Variants in PRKCE observed in about 807,000 individuals in gnomAD.
The protein encoded by PRKCE is protein kinase C epsilon, also known as protein kinase C epsilon type.
In PRKCE, 16 loss-of-function variants were observed where a neutral mutation model predicts 85.4. The observed-to-expected ratio is 0.19, with a 90% CI of 0.13 to 0.28. The LOEUF is 0.28. Ranked by LOEUF, PRKCE falls within the 10% of genes least tolerant of loss-of-function variation. PRKCE has a pLI of 1.00. For missense variants in PRKCE, 573 were observed against 975.2 expected (o/e 0.59, Z 5.49); for synonymous variants, 388 against 371.5 (o/e 1.04, Z -0.51).
At chr2:45,864,749 C>T (rs62127218) in intron 2 of PRKCE, among the ~76,000 whole-genome samples, 2,581 of 152,218 alleles carry the variant, frequency 0.017, 52 homozygotes, top group South Asian at 0.05. Context: ...CGTGGGAGCC[C>T]GAGGATGACT....
intron 1 of PRKCE, among the ~76,000 whole-genome samples, chr2:45,839,860 T>C (rs1691204988): frequency 6.6e-6 from 1 of 152,254 alleles, no homozygotes; most frequent in South Asian, 2.1e-4. Context: ...GCAAAGCTCT[T>C]TGTTGCTTTT....
At chr2:45,913,865 C>G (rs1367286699) in intron 2 of PRKCE, among the ~76,000 whole-genome samples, 1 of 152,236 alleles carries the variant, frequency 6.6e-6, no homozygotes, top group East Asian at 1.9e-4. Context: ...CACGATGATT[C>G]TAGGACTTCC....
chr2:45,731,145 T>C (rs1341252212), intron 1 of PRKCE, among the ~76,000 whole-genome samples: 1 of 152,214 alleles, frequency 6.6e-6, no homozygotes, highest in Non-Finnish European at 1.5e-5. Context: ...TGTTGATTTC[T>C]GTTATTAGTT....
chr2:45,951,594 C>T (rs1700625533), intron 2 of PRKCE, among the ~76,000 whole-genome samples: 1 of 152,222 alleles, frequency 6.6e-6, no homozygotes, highest in South Asian at 2.1e-4. Context: ...TGCCGCTCTC[C>T]CTAGGACCAA....
intron 10 of PRKCE, among the ~76,000 whole-genome samples, chr2:46,025,919 G>T (rs1289859880): frequency 6.6e-6 from 1 of 152,208 alleles, no homozygotes; most frequent in Non-Finnish European, 1.5e-5. Context: ...ATGGGAACCA[G>T]AGTGAGCCTG....
At chr2:46,046,746 T>A (rs1420253348) in intron 10 of PRKCE, among the ~76,000 whole-genome samples, 1 of 152,158 alleles carries the variant, frequency 6.6e-6, no homozygotes, top group East Asian at 1.9e-4. Flanking sequence ...GGTCTACACA[T>A]GGGCAAGACC....
Position 46,086,233 on chromosome 2 carries a change from A to T in PRKCE, c.1463A>T (p.Tyr488Phe). ...TKDRLFFVME[Y>F]VNGGDLMFQI... ...GACCGCCTCTTTTTCGTCATGGAAT[A>T]TGTAAATGGTGGAGACCTCATGTTT... The change falls in exon 11 of 15, where the codon TAT (tyrosine) becomes TTT (phenylalanine). Residue 488 changes from tyrosine (Y) to phenylalanine (F), a missense_variant. Transcript: ENST00000306156. 6.3e-7 allele frequency: 1 copy of T among 1,599,692 alleles called. No individual in the cohort carries two copies. The highest frequency in any genetic ancestry group is 1.1e-5 in the South Asian group (1 of 91,088).
At chr2:45,913,743 A>G (rs947223129) in intron 2 of PRKCE, among the ~76,000 whole-genome samples, 2 of 152,188 alleles carry the variant, frequency 1.3e-5, no homozygotes, top group Non-Finnish European at 2.9e-5. Context: ...GGCTGCTGGG[A>G]ATATAACCTG....
chr2:46,012,294 C>T (rs1468086459), intron 10 of PRKCE, among the ~76,000 whole-genome samples: 3 of 151,646 alleles, frequency 2.0e-5, no homozygotes, highest in African/African-American at 7.3e-5. Flanking sequence ...CTTTTCCTTT[C>T]TTTTCTTTTC....
At chr2:45,918,879 G>A (rs985950930) in intron 2 of PRKCE, among the ~76,000 whole-genome samples, 10 of 152,212 alleles carry the variant, frequency 6.6e-5, no homozygotes, top group African/African-American at 2.4e-4. Context: ...ATGTTGCAGA[G>A]GTTGGAGGGT....
chr2:45,920,592 C>T (rs1698179818), intron 2 of PRKCE, among the ~76,000 whole-genome samples: 1 of 152,112 alleles, frequency 6.6e-6, no homozygotes, highest in South Asian at 2.1e-4. Context: ...CATGGATGAC[C>T]CTTGATGATA....
At chr2:45,939,308 C>A (rs1434674942) in intron 2 of PRKCE, among the ~76,000 whole-genome samples, 1 of 152,124 alleles carries the variant, frequency 6.6e-6, no homozygotes, top group African/African-American at 2.4e-5. Flanking sequence ...TTGTCTAAAG[C>A]CAGCACTGCC....
intron 2 of PRKCE, among the ~76,000 whole-genome samples, chr2:45,961,245 G>A (rs541401277): frequency 2.0e-5 from 3 of 151,616 alleles, no homozygotes; most frequent in East Asian, 1.9e-4. Context: ...TTCCCCCCCC[G>A]ATTTGGTTGA....
intron 11 of PRKCE, among the ~76,000 whole-genome samples, chr2:46,124,391 G>T (rs370935987): frequency 6.6e-6 from 1 of 152,062 alleles, no homozygotes; most frequent in South Asian, 2.1e-4. Context: ...AATTTTAATC[G>T]TGTTGCTGCC....
intron 11 of PRKCE, among the ~76,000 whole-genome samples, chr2:46,134,763 G>A (rs76706093): frequency 6.6e-6 from 1 of 152,250 alleles, no homozygotes; most frequent in East Asian, 1.9e-4. Flanking sequence ...CCAAACAGCT[G>A]TTTTGATGAC....
At chr2:45,735,595 G>T (rs934230610) in intron 1 of PRKCE, among the ~76,000 whole-genome samples, 3 of 152,244 alleles carry the variant, frequency 2.0e-5, no homozygotes, top group African/African-American at 7.2e-5. Context: ...GCACAGGCCT[G>T]TGTGAGTGTT....
intron 1 of PRKCE, among the ~76,000 whole-genome samples, chr2:45,828,062 A>T (rs1690095787): frequency 6.6e-6 from 1 of 152,236 alleles, no homozygotes; most frequent in Non-Finnish European, 1.5e-5. Flanking sequence ...GTATGGTCAT[A>T]TCATAGCAGA....
At chr2:45,958,190 CAAA>C (rs60711691) in intron 2 of PRKCE, among the ~76,000 whole-genome samples, 7,689 of 109,822 alleles carry the variant, frequency 0.07, 612 homozygotes, top group African/African-American at 0.25. Flanking sequence ...ATTAGGCCCG[CAAA>C]AAAAAAAAAA....
At chr2:46,069,019 T>C (rs1667852810) in intron 10 of PRKCE, among the ~76,000 whole-genome samples, 1 of 152,224 alleles carries the variant, frequency 6.6e-6, no homozygotes, top group Non-Finnish European at 1.5e-5. Flanking sequence ...GGAATTATGC[T>C]ATAAAAACTG....
Sources: gnomAD v4.1 joint callset for allele counts (sites outside exome capture counted in the v4.1 genomes callset) on GRCh38, gnomAD v4.1.1 for gene constraint, MANE v1.5 for transcripts, NCBI Gene and HGNC (gene_info 2026-07-23, HGNC 2026-07-21) for gene names.